The following RAD51B variants were observed in gnomAD, a reference collection of about 807,000 sequenced individuals.
The protein encoded by RAD51B is DNA repair protein RAD51 homolog 2.
RAD51B carries 38 observed loss-of-function variants against 42.2 expected under a neutral mutation model. The observed-to-expected ratio is 0.90, with a 90% CI of 0.70 to 1.18. The LOEUF (loss-of-function observed/expected upper bound fraction) is 1.18. Among genes scored for constraint, RAD51B ranks in the 50% most tolerant of loss-of-function variants. The probability of loss-of-function intolerance (pLI) is 0.00; values close to 1 mark genes in which losing one functional copy is unlikely to be tolerated. For synonymous variants in RAD51B, 154 were observed against 145.2 expected (o/e 1.06, Z -0.43); for missense variants, 373 against 400.7 (o/e 0.93, Z 0.59).
At chr14:68,370,408 A>G (rs949190967) in intron 8 of RAD51B, among the ~76,000 whole-genome samples, 11 of 152,244 alleles carry the variant, frequency 7.2e-5, no homozygotes, top group African/African-American at 1.2e-4. Flanking sequence ...ACAACCTAGT[A>G]AGGCCTGTAA....
At chr14:68,338,289 C>T (rs950084483) in intron 8 of RAD51B, among the ~76,000 whole-genome samples, 1 of 152,186 alleles carries the variant, frequency 6.6e-6, no homozygotes, top group African/African-American at 2.4e-5. Context: ...GTGTAGCTCT[C>T]TGTCTGCCTG....
chr14:68,319,911 A>G (rs769083736), intron 8 of RAD51B, among the ~76,000 whole-genome samples: 1 of 152,180 alleles, frequency 6.6e-6, no homozygotes, highest in Non-Finnish European at 1.5e-5. Flanking sequence ...TAACAACCCT[A>G]TGAGACAGAT....
At chr14:68,443,292 G>GAAC (rs2085344781) in intron 9 of RAD51B, among the ~76,000 whole-genome samples, 1 of 152,110 alleles carries the variant, frequency 6.6e-6, no homozygotes, top group African/African-American at 2.4e-5. Flanking sequence ...TTCCCATCGA[G>GAAC]TCAGCACATA....
At chr14:68,520,896 T>G (rs1886529361) in intron 10 of RAD51B, among the ~76,000 whole-genome samples, 2 of 152,224 alleles carry the variant, frequency 1.3e-5, no homozygotes, top group Non-Finnish European at 2.9e-5. Context: ...GAAACGTCAA[T>G]AGTCCTGAAA....
At chr14:67,985,171 T>G (rs978856474) in intron 7 of RAD51B, among the ~76,000 whole-genome samples, 10 of 152,248 alleles carry the variant, frequency 6.6e-5, no homozygotes, top group Non-Finnish European at 1.5e-4. Flanking sequence ...AAGCCATTCA[T>G]GTGGTTTTAT....
chr14:68,536,262 T>G (rs767793163), intron 10 of RAD51B, among the ~76,000 whole-genome samples: 1 of 152,202 alleles, frequency 6.6e-6, no homozygotes, highest in Non-Finnish European at 1.5e-5. Flanking sequence ...TGTATCCTAC[T>G]GGGAAAAGAT....
At chr14:68,528,972 A>G (rs971356332) in intron 10 of RAD51B, among the ~76,000 whole-genome samples, 3 of 152,222 alleles carry the variant, frequency 2.0e-5, no homozygotes, top group African/African-American at 7.2e-5. Flanking sequence ...GTCCAACTCC[A>G]AGGAATTCAC....
At chr14:68,239,009 C>T (rs976805771) in intron 7 of RAD51B, among the ~76,000 whole-genome samples, 1 of 152,064 alleles carries the variant, frequency 6.6e-6, no homozygotes, top group Non-Finnish European at 1.5e-5. Context: ...GGGACCTTAA[C>T]AACAACAACA....
At chr14:68,046,331 G>A (rs1341442988) in intron 7 of RAD51B, among the ~76,000 whole-genome samples, 1 of 152,132 alleles carries the variant, frequency 6.6e-6, no homozygotes, top group African/African-American at 2.4e-5. Context: ...TGCCCAAGCT[G>A]ATCTTGAACT....
chr14:68,292,931 C>T (rs763355631), intron 8 of RAD51B, among the ~76,000 whole-genome samples: 5 of 152,180 alleles, frequency 3.3e-5, no homozygotes, highest in Admixed American at 1.3e-4. Context: ...CCCCTATCAG[C>T]GAGGCTGAAA....
At chr14:67,840,190 G>A (rs10131022) in intron 4 of RAD51B, among the ~76,000 whole-genome samples, 5,633 of 152,206 alleles carry the variant, frequency 0.037, 307 homozygotes, top group African/African-American at 0.12. Flanking sequence ...GGTATATTGC[G>A]TGATGCTGAG....
chr14:67,883,328 CAA>C (rs77921123), intron 5 of RAD51B, among the ~76,000 whole-genome samples: 7 of 119,822 alleles, frequency 5.8e-5, no homozygotes, highest in African/African-American at 8.9e-5. Flanking sequence ...ACCACTTTAG[CAA>C]AAAAAAAAAA....
intron 10 of RAD51B, among the ~76,000 whole-genome samples, chr14:68,646,434 T>C (rs540740165): frequency 6.6e-6 from 1 of 152,348 alleles, no homozygotes; most frequent in East Asian, 1.9e-4. Flanking sequence ...TCTTTTTGTG[T>C]TTCTTGTCAA....
At chr14:67,967,403 A>G (rs149447380) in intron 7 of RAD51B, among the ~76,000 whole-genome samples, 38 of 152,314 alleles carry the variant, frequency 2.5e-4, no homozygotes, top group Non-Finnish European at 5.0e-4. Context: ...CATTAACTCA[A>G]AAGTCCACAG....
chr14:68,496,410 G>T (rs962797756), intron 10 of RAD51B, among the ~76,000 whole-genome samples: 2 of 152,192 alleles, frequency 1.3e-5, no homozygotes, highest in African/African-American at 4.8e-5. Flanking sequence ...GGGCCAATGT[G>T]GATGCTGTGC....
intron 7 of RAD51B, among the ~76,000 whole-genome samples, chr14:68,216,075 G>A (rs1416143774): frequency 6.6e-6 from 1 of 152,108 alleles, no homozygotes; most frequent in Non-Finnish European, 1.5e-5. Context: ...CTAATTTGGG[G>A]AAAATAAGTT....
downstream of RAD51B, among the ~76,000 whole-genome samples, chr14:68,614,367 T>C (rs947636093): frequency 6.6e-6 from 1 of 152,226 alleles, no homozygotes; most frequent in Non-Finnish European, 1.5e-5. Flanking sequence ...TGAGATATAA[T>C]TGACATACCA....
At chr14:68,263,048 G>A (rs1309729934) in intron 7 of RAD51B, among the ~76,000 whole-genome samples, 3 of 151,974 alleles carry the variant, frequency 2.0e-5, no homozygotes, top group East Asian at 1.9e-4. Flanking sequence ...AAAATAAATC[G>A]TTTCCTCTCC....
chr14:68,368,581 G>T lies in RAD51B; in HGVS notation c.854-42843G>T, dbSNP rs17105482. 3.9e-3 allele frequency among the ~76,000 whole-genome samples: 599 copies of T among 152,274 alleles called. 7 individuals are homozygous for T. The highest frequency in any genetic ancestry group is 0.014 in the African/African-American group (572 of 41,544). The stretch of plus-strand genomic sequence containing the variant: ...CAACTCCAGAAGGTCTATAGTGGCC[G>T]CTTGGACTGCTGTAATGGAGTTGCT... On this transcript the variant is annotated intron_variant, in intron 8 of 10. Transcript: ENST00000471583.
Sources: allele counts gnomAD v4.1 joint callset (sites outside exome capture counted in the v4.1 genomes callset), GRCh38; gene constraint gnomAD v4.1.1; transcripts MANE v1.5; gene names NCBI Gene and HGNC (gene_info 2026-07-23, HGNC 2026-07-21).